Variants in DIAPH2 observed in about 807,000 individuals in gnomAD.
DIAPH2 encodes protein diaphanous homolog 2.
DIAPH2 carries 35 observed loss-of-function variants against 92.7 expected under a neutral mutation model. The ratio of observed to expected loss-of-function variants is 0.38; its 90% confidence interval spans 0.29 to 0.50. The LOEUF (loss-of-function observed/expected upper bound fraction) is 0.50. DIAPH2 is among the 20% of genes least tolerant of loss of function. The pLI, the probability that DIAPH2 is intolerant of heterozygous loss-of-function variation, is 0.94. For missense variants in DIAPH2, 701 were observed against 819.5 expected (o/e 0.86, Z 1.77); for synonymous variants, 301 against 280.4 (o/e 1.07, Z -0.73).
chrX:97,019,630 A>G (rs186413511), intron 17 of DIAPH2, among the ~76,000 whole-genome samples: 159 of 111,037 alleles, frequency 1.4e-3, no homozygotes, highest in African/African-American at 5.0e-3. Context: ...TCTAATATAT[A>G]TACGGAATAT....
chrX:97,491,941 T>G (rs1043526327), intron 26 of DIAPH2, among the ~76,000 whole-genome samples: 8 of 111,802 alleles, frequency 7.2e-5, no homozygotes, highest in Non-Finnish European at 1.3e-4. Context: ...ACAGCAGTTC[T>G]ATATTAAGCT....
intron 26 of DIAPH2, among the ~76,000 whole-genome samples, chrX:97,551,467 G>T (rs1047626297): frequency 3.7e-5 from 4 of 109,068 alleles, no homozygotes; most frequent in Admixed American, 9.9e-5. Flanking sequence ...GCGCACACCT[G>T]TAAACCCAGC....
intron 17 of DIAPH2, among the ~76,000 whole-genome samples, chrX:97,059,584 T>A (rs1478765353): frequency 8.9e-6 from 1 of 112,469 alleles, no homozygotes; most frequent in Non-Finnish European, 1.9e-5. Flanking sequence ...ACAGGTAACA[T>A]AAACAGTGGA....
intron 1 of DIAPH2, among the ~76,000 whole-genome samples, chrX:96,694,247 A>G (rs975047535): frequency 5.4e-5 from 6 of 111,760 alleles, no homozygotes; most frequent in South Asian, 3.7e-4. Flanking sequence ...TTGTAGATCA[A>G]TTAGCTTAAG....
chrX:96,815,376 A>G (rs1318822008), intron 4 of DIAPH2, among the ~76,000 whole-genome samples: 1 of 111,224 alleles, frequency 9.0e-6, no homozygotes, highest in Non-Finnish European at 1.9e-5. Context: ...TGCTAAGACC[A>G]TTGGGAAAGC....
At chrX:96,812,725 T>C (rs990453768) in intron 4 of DIAPH2, among the ~76,000 whole-genome samples, 3 of 112,176 alleles carry the variant, frequency 2.7e-5, no homozygotes, top group African/African-American at 9.7e-5. Context: ...ACTGTGTCTT[T>C]GTTCTTATTG....
Position 97,601,310 on chromosome X carries a change from A to G in DIAPH2, c.*1993A>G, listed in dbSNP as rs978656302. 1.1e-4 allele frequency: 12 copies of G among 112,059 alleles called. No individual in the cohort carries two copies. The highest frequency in any genetic ancestry group is 3.6e-4 in the African/African-American group (11 of 30,831). The allele number at this position is 112,059 out of a possible 1,213,427, so 9.2% of individuals were successfully genotyped here. ...TTATCAAGCTGGTCAAGGTAGAAATACTGATATGTATCATCACCTTTTCCA... is the reference window on the plus strand; with the variant it reads ...TTATCAAGCTGGTCAAGGTAGAAATGCTGATATGTATCATCACCTTTTCCA... On this transcript the variant is annotated 3_prime_UTR_variant, in exon 27 of 27. Transcript: ENST00000324765.
chrX:97,269,125 G>A (rs963771932), intron 23 of DIAPH2, among the ~76,000 whole-genome samples: 3 of 111,764 alleles, frequency 2.7e-5, no homozygotes, highest in African/African-American at 9.8e-5. Context: ...AGAGTGCTGG[G>A]ATTACAGGCG....
chrX:97,224,906 A>G (rs1450735075), intron 22 of DIAPH2, among the ~76,000 whole-genome samples: 2 of 111,107 alleles, frequency 1.8e-5, no homozygotes, highest in Non-Finnish European at 3.8e-5. Context: ...ACTTCACTGA[A>G]TTTAACATGT....
intron 26 of DIAPH2, among the ~76,000 whole-genome samples, chrX:97,493,367 T>G (rs1171477118): frequency 1.5e-4 from 17 of 111,367 alleles, no homozygotes; most frequent in Middle Eastern, 4.7e-3. Flanking sequence ...GTTCAAGCTA[T>G]TCTCCTGCCT....
intron 26 of DIAPH2, among the ~76,000 whole-genome samples, chrX:97,553,800 C>G (rs2071238243): frequency 9.0e-6 from 1 of 110,524 alleles, no homozygotes; most frequent in South Asian, 3.8e-4. Context: ...GGCAATGGTG[C>G]CAGACAGCCG....
At chrX:97,493,785 C>T (rs2070740059) in intron 26 of DIAPH2, among the ~76,000 whole-genome samples, 1 of 109,320 alleles carries the variant, frequency 9.1e-6, no homozygotes, top group Non-Finnish European at 1.9e-5. Flanking sequence ...ACTGGGGAGG[C>T]TGAGGCAGGA....
chrX:96,840,508 C>A (rs767297367), intron 4 of DIAPH2, among the ~76,000 whole-genome samples: 2 of 111,931 alleles, frequency 1.8e-5, no homozygotes, highest in South Asian at 7.5e-4. Flanking sequence ...TGAGGCCCAC[C>A]TTCATTCCAG....
intron 25 of DIAPH2, among the ~76,000 whole-genome samples, chrX:97,411,915 G>C (rs1052441389): frequency 1.8e-5 from 2 of 111,482 alleles, no homozygotes; most frequent in African/African-American, 6.5e-5. Context: ...AGTCCTTAGA[G>C]ACCTAAGAAG....
intron 4 of DIAPH2, among the ~76,000 whole-genome samples, chrX:96,769,497 C>G (rs1007803294): frequency 8.9e-6 from 1 of 111,846 alleles, no homozygotes; most frequent in Non-Finnish European, 1.9e-5. Context: ...GCTGATCATT[C>G]TAATAACATT....
intron 25 of DIAPH2, among the ~76,000 whole-genome samples, chrX:97,412,989 G>T (rs925870395): frequency 8.0e-5 from 9 of 111,811 alleles, no homozygotes; most frequent in Non-Finnish European, 1.7e-4. Context: ...AAGAGGAGCT[G>T]GTACCATTCC....
chrX:96,934,665 T>G (rs1022218882), intron 10 of DIAPH2, among the ~76,000 whole-genome samples: 2 of 79,437 alleles, frequency 2.5e-5, no homozygotes, highest in Non-Finnish European at 5.4e-5. Context: ...AAATAGTTTG[T>G]ATTTCATTTA....
In DIAPH2 at chrX:97,539,984, A is replaced by C. The variant is rs187367886; in HGVS notation, c.3242-59269A>C. ...TATTTAGGATTATGCTGAATTTACA[A>C]GTGAAGGAAATGAGCAAAGAAATGC... is the stretch of plus-strand genomic sequence containing the variant. On this transcript the variant is annotated intron_variant, in intron 26 of 26. Transcript: ENST00000324765. 9.8e-5 allele frequency among the ~76,000 whole-genome samples: 11 copies of C among 112,027 alleles called. No individual in the cohort carries two copies. In the East Asian group the frequency reaches 2.8e-3, roughly 29 times the overall value.
chrX:97,515,381 C>T (rs1010144725), intron 26 of DIAPH2, among the ~76,000 whole-genome samples: 6 of 112,293 alleles, frequency 5.3e-5, no homozygotes, highest in Admixed American at 1.9e-4. Flanking sequence ...GCGCACGGTG[C>T]GCGCACCCAC....
Sources: allele counts gnomAD v4.1 joint callset (sites outside exome capture counted in the v4.1 genomes callset), GRCh38; gene constraint gnomAD v4.1.1; transcripts MANE v1.5; gene names NCBI Gene and HGNC (gene_info 2026-07-23, HGNC 2026-07-21).